The following ZC3H12B variants were observed in gnomAD, a reference collection of about 807,000 sequenced individuals.
ZC3H12B encodes the protein probable ribonuclease ZC3H12B.
ZC3H12B carries 7 observed loss-of-function variants against 43.9 expected under a neutral mutation model. The observed-to-expected ratio is 0.16, with a 90% confidence interval of 0.09 to 0.30. The LOEUF is 0.30. Among genes scored for constraint, ZC3H12B ranks in the 10% least tolerant of loss-of-function variants. The probability of loss-of-function intolerance (pLI) is 1.00; values close to 1 mark genes in which losing one functional copy is unlikely to be tolerated. For missense variants in ZC3H12B, 475 were observed against 670.2 expected (o/e 0.71, Z 3.22); for synonymous variants, 222 against 241.7 (o/e 0.92, Z 0.76).
At chrX:65,429,301 C>A (rs1005417012) in intron 3 of ZC3H12B, among the ~76,000 whole-genome samples, 5 of 112,635 alleles carry the variant, frequency 4.4e-5, no homozygotes, top group African/African-American at 1.6e-4. Flanking sequence ...TGTTGGTGAT[C>A]TCTTCAGCCC....
chrX:65,280,321 C>G, the ZC3H12B span, among the ~76,000 whole-genome samples: 1 of 112,052 alleles, frequency 8.9e-6, no homozygotes, highest in Non-Finnish European at 1.9e-5. Flanking sequence ...TCAATAGATG[C>G]ATAAAAAGCT....
At chrX:65,468,684 G>T (rs1203400298) in intron 3 of ZC3H12B, among the ~76,000 whole-genome samples, 1 of 87,846 alleles carries the variant, frequency 1.1e-5, no homozygotes, top group Non-Finnish European at 2.1e-5. Context: ...ATTTTTAGTA[G>T]AGACGGGGTT....
At chrX:65,485,106 G>A (rs1050779001), upstream of ZC3H12B, among the ~76,000 whole-genome samples, 1 of 111,892 alleles carries the variant, frequency 8.9e-6, no homozygotes, top group Non-Finnish European at 1.9e-5. Context: ...TTCCACACGT[G>A]GCTATCTGGT....
chrX:65,326,029 C>A, the ZC3H12B span, among the ~76,000 whole-genome samples: 1 of 111,678 alleles, frequency 9.0e-6, no homozygotes, highest in African/African-American at 3.2e-5. Flanking sequence ...TGACCCTTGT[C>A]TGACACATTA....
intron 3 of ZC3H12B, among the ~76,000 whole-genome samples, chrX:65,407,837 GC>G (rs1303933404): frequency 4.4e-5 from 5 of 113,342 alleles, no homozygotes; most frequent in African/African-American, 1.6e-4. Flanking sequence ...TATTGAAGCA[GC>G]TGGGCCTGGG....
chrX:65,163,729 A>G, the ZC3H12B span, among the ~76,000 whole-genome samples: 2 of 111,562 alleles, frequency 1.8e-5, no homozygotes, highest in African/African-American at 6.5e-5. Flanking sequence ...TTCCCGAGTG[A>G]GGCAATGCCT....
chrX:65,161,159 C>G, the ZC3H12B span, among the ~76,000 whole-genome samples: 2 of 111,086 alleles, frequency 1.8e-5, no homozygotes, highest in East Asian at 5.7e-4. Context: ...TTTACATTTG[C>G]TGAGGAGAGC....
intron 3 of ZC3H12B, among the ~76,000 whole-genome samples, chrX:65,462,089 G>A (rs1017949064): frequency 9.0e-6 from 1 of 111,018 alleles, no homozygotes; most frequent in Non-Finnish European, 1.9e-5. Flanking sequence ...AAAGAACTTG[G>A]CTATTTTTCC....
chrX:65,295,634 TAAAC>T, the ZC3H12B span, among the ~76,000 whole-genome samples: 2 of 111,067 alleles, frequency 1.8e-5, no homozygotes, highest in Non-Finnish European at 3.8e-5. Flanking sequence ...TTTGAAAAGA[TAAAC>T]AAAATTAGGA....
chrX:65,205,655 T>A, the ZC3H12B span, among the ~76,000 whole-genome samples: 1 of 111,517 alleles, frequency 9.0e-6, no homozygotes, highest in African/African-American at 3.3e-5. Context: ...CTCTTCAACA[T>A]AGTACTGGAA....
At position 65,472,878 on chromosome X, in the gene ZC3H12B, TTA is replaced by T. The variant is rs1313831891; in HGVS notation, n.408-15758_408-15757del. Among the ~76,000 whole-genome samples the T allele has an allele frequency of 2.0e-4, 17 of 84,756 alleles. No individual in the cohort carries two copies. In the East Asian group the frequency reaches 5.0e-3, roughly 25 times the overall value. 73.6% of individuals were successfully genotyped at this position (84,756 alleles called of 115,157 possible). A position where few individuals can be genotyped will look rare whatever the true frequency, so the allele number is the denominator to read the frequency against. Reference sequence around the variant, plus strand: ...TATATATGTTTGTGTATATATATGTTTATATATATATGTTTGTGTATATATAT... The same window carrying T: ...TATATATGTTTGTGTATATATATGTTTATATATATGTTTGTGTATATATAT... On this transcript the variant is annotated intron_variant and non_coding_transcript_variant, in intron 3 of 5. Transcript: ENST00000617377.
At chrX:65,114,019 A>G in the ZC3H12B span, among the ~76,000 whole-genome samples, 1 of 68,547 alleles carries the variant, frequency 1.5e-5, no homozygotes, top group Non-Finnish European at 2.8e-5. Context: ...ATATATATAT[A>G]TATATATTCA....
the ZC3H12B span, among the ~76,000 whole-genome samples, chrX:65,264,577 C>G: frequency 3.6e-5 from 4 of 111,870 alleles, no homozygotes; most frequent in East Asian, 1.1e-3. Context: ...CATTAAACAT[C>G]TTATAGCTCA....
At chrX:65,427,559 G>A (rs1340552937) in intron 3 of ZC3H12B, among the ~76,000 whole-genome samples, 3 of 110,436 alleles carry the variant, frequency 2.7e-5, no homozygotes, top group Non-Finnish European at 5.7e-5. Context: ...AAACTCCTGA[G>A]CTCATCTTAT....
chrX:65,141,334 C>G, the ZC3H12B span, among the ~76,000 whole-genome samples: 2 of 109,371 alleles, frequency 1.8e-5, no homozygotes, highest in East Asian at 5.6e-4. Flanking sequence ...ATGTTGTTTA[C>G]TTTTTAAATT....
the ZC3H12B span, among the ~76,000 whole-genome samples, chrX:65,219,141 G>A: frequency 9.0e-6 from 1 of 111,667 alleles, no homozygotes; most frequent in Non-Finnish European, 1.9e-5. Flanking sequence ...CATATCAAGG[G>A]AGCATGCCAT....
chrX:65,166,044 C>G, the ZC3H12B span, among the ~76,000 whole-genome samples: 14 of 111,285 alleles, frequency 1.3e-4, no homozygotes, highest in East Asian at 3.4e-3. Flanking sequence ...CTTTTTCTTT[C>G]TTTCTTTCTT....
At chrX:65,296,298 C>T in the ZC3H12B span, among the ~76,000 whole-genome samples, 1 of 110,805 alleles carries the variant, frequency 9.0e-6, no homozygotes, top group Non-Finnish European at 1.9e-5. Context: ...GATGTGGGAA[C>T]TAAGCTATGA....
intron 3 of ZC3H12B, among the ~76,000 whole-genome samples, chrX:65,407,370 G>A (rs1047418337): frequency 1.3e-4 from 15 of 112,387 alleles, no homozygotes; most frequent in Admixed American, 6.4e-4. Context: ...CTGGTCGCAC[G>A]GGGCGTGCCG....
Sources: allele counts gnomAD v4.1 joint callset (sites outside exome capture counted in the v4.1 genomes callset), GRCh38; gene constraint gnomAD v4.1.1; transcripts MANE v1.5; gene names NCBI Gene and HGNC (gene_info 2026-07-23, HGNC 2026-07-21).